The following CDH1 variants were observed in gnomAD, a reference collection of about 807,000 sequenced individuals.
CDH1 encodes the protein cadherin-1.
CDH1 carries 35 observed loss-of-function variants against 84.5 expected under a neutral mutation model. That is an observed-to-expected ratio of 0.41 (90% CI 0.32 to 0.55). CDH1 has a LOEUF of 0.55. Ranked by LOEUF, CDH1 falls within the 20% of genes least tolerant of loss-of-function variation. CDH1 has a pLI of 0.19. For missense variants in CDH1, 994 were observed against 1,126.6 expected (o/e 0.88, Z 1.68); for synonymous variants, 417 against 439.0 (o/e 0.95, Z 0.63).
At chr16:68,784,649 C>G (rs187298278) in intron 2 of CDH1, among the ~76,000 whole-genome samples, 5 of 151,986 alleles carry the variant, frequency 3.3e-5, no homozygotes, top group South Asian at 2.1e-4. Flanking sequence ...TCCCTCACCC[C>G]CTTCCCACCC....
intron 2 of CDH1, among the ~76,000 whole-genome samples, chr16:68,799,327 A>T (rs1960438776): frequency 6.6e-6 from 1 of 152,014 alleles, no homozygotes; most frequent in Non-Finnish European, 1.5e-5. Context: ...CATGGTGGTG[A>T]TTTTTTATTT....
chr16:68,812,947 T>A (rs958452821), intron 8 of CDH1, among the ~76,000 whole-genome samples: 2 of 152,050 alleles, frequency 1.3e-5, no homozygotes, highest in Non-Finnish European at 2.9e-5. Flanking sequence ...ATCTGAGGCA[T>A]GAGAGTTGCT....
At chr16:68,816,768 A>T (rs1567509578) in intron 10 of CDH1, among the ~76,000 whole-genome samples, 1 of 140,394 alleles carries the variant, frequency 7.1e-6, no homozygotes, top group Non-Finnish European at 1.5e-5. Context: ...AAACAAAAAA[A>T]CTCTCATTTT....
intron 2 of CDH1, among the ~76,000 whole-genome samples, chr16:68,796,309 G>A (rs988789040): frequency 6.6e-6 from 1 of 152,200 alleles, no homozygotes; most frequent in African/African-American, 2.4e-5. Context: ...TTACGTCTAA[G>A]ATACTAGGTT....
intron 2 of CDH1, among the ~76,000 whole-genome samples, chr16:68,743,838 A>G (rs1468296133): frequency 2.8e-4 from 42 of 152,166 alleles, no homozygotes; most frequent in Admixed American, 2.7e-3. Context: ...AAGTCACTTT[A>G]CTTCTATGAG....
chr16:68,823,742 AAG>A, intron 13 of CDH1, 116 bp downstream of exon 13: 1 of 710,248 alleles, frequency 1.4e-6, no homozygotes, highest in Non-Finnish European at 2.4e-6. Flanking sequence ...TGATGTGGGA[AAG>A]AGACTCCCAA....
At chr16:68,747,076 C>T (rs561621148) in intron 2 of CDH1, among the ~76,000 whole-genome samples, 2 of 152,266 alleles carry the variant, frequency 1.3e-5, no homozygotes, top group East Asian at 3.9e-4. Flanking sequence ...AGAAAATCTC[C>T]AAGAGAGACC....
chr16:68,830,687 T>C (rs1961461266), intron 15 of CDH1, among the ~76,000 whole-genome samples: 1 of 152,132 alleles, frequency 6.6e-6, no homozygotes, highest in Non-Finnish European at 1.5e-5. Context: ...TGTTGTCTCA[T>C]GATCACAAGA....
At chr16:68,788,519 T>C (rs1486347373) in intron 2 of CDH1, among the ~76,000 whole-genome samples, 1 of 152,218 alleles carries the variant, frequency 6.6e-6, no homozygotes, top group Non-Finnish European at 1.5e-5. Flanking sequence ...CTGTGTACTT[T>C]GGTGAACAGC....
intron 2 of CDH1, among the ~76,000 whole-genome samples, chr16:68,756,382 T>TG (rs1004603339): frequency 9.9e-5 from 15 of 152,072 alleles, no homozygotes; most frequent in African/African-American, 3.4e-4. Context: ...ACAGGTGGGG[T>TG]GGGGCCCTGA....
chr16:68,825,100 C>T (rs1249636286), intron 13 of CDH1, among the ~76,000 whole-genome samples: 1 of 151,132 alleles, frequency 6.6e-6, no homozygotes, highest in African/African-American at 2.4e-5. Flanking sequence ...ATAAAAAATA[C>T]ATTTTTTTAT....
At chr16:68,799,996 C>T (rs1373947528) in intron 2 of CDH1, among the ~76,000 whole-genome samples, 1 of 147,206 alleles carries the variant, frequency 6.8e-6, no homozygotes, top group Non-Finnish European at 1.5e-5. Flanking sequence ...GGCAACAGAG[C>T]GAGACTGTCT....
intron 2 of CDH1, among the ~76,000 whole-genome samples, chr16:68,741,233 C>T (rs973093927): frequency 2.0e-5 from 3 of 152,048 alleles, no homozygotes; most frequent in African/African-American, 7.2e-5. Flanking sequence ...TTTGTTTTGG[C>T]TTTTTTGGAC....
At chr16:68,760,923 C>T (rs1959215088) in intron 2 of CDH1, among the ~76,000 whole-genome samples, 1 of 152,108 alleles carries the variant, frequency 6.6e-6, no homozygotes, top group Admixed American at 6.6e-5. Context: ...GAGGGGGATG[C>T]CCCAAGCCTA....
rs45625236 is a variant in CDH1 at position 68,737,515 on chromosome 16, C to CGCCCCAGCCCCGT, written c.48+62_48+63insCGTGCCCCAGCCC. ...GGACGCATTCGGGCCGCAAGCTCCG[C>CGCCCCAGCCCCGT]GCCCCAGCCCTGCGCCCCTTCCTCT... is the stretch of plus-strand genomic sequence containing the variant. On this transcript the variant is annotated intron_variant, in intron 1 of 15. Coordinates refer to ENST00000261769, the MANE Select transcript of CDH1 (RefSeq NM_004360.5). The CGCCCCAGCCCCGT allele has an allele frequency of 0.85, 1,142,790 of 1,350,920 alleles. 490,647 individuals carry two copies. Among genetic ancestry groups the CGCCCCAGCCCCGT allele is most frequent in the Non-Finnish European group, 0.87 (859,751 of 987,158 alleles). 83.7% of individuals were successfully genotyped at this position (1,350,920 alleles called of 1,614,324 possible). A position where few individuals can be genotyped will look rare whatever the true frequency, so the allele number is the denominator to read the frequency against.
At chr16:68,796,020 G>A (rs757912649) in intron 2 of CDH1, among the ~76,000 whole-genome samples, 4 of 151,776 alleles carry the variant, frequency 2.6e-5, no homozygotes, top group African/African-American at 7.3e-5. Flanking sequence ...AAGATTAGCC[G>A]GGCGTGGTGG....
At chr16:68,818,192 A>G (rs1239251196) in intron 10 of CDH1, among the ~76,000 whole-genome samples, 1 of 149,228 alleles carries the variant, frequency 6.7e-6, no homozygotes, top group Non-Finnish European at 1.5e-5. Flanking sequence ...GTGAGCTGAG[A>G]TCACGCCACT....
chr16:68,829,651 A>C lies in CDH1; in HGVS notation c.2296-3A>C, dbSNP rs113067020. 2 of 1,614,000 alleles carry C rather than the reference A, an allele frequency of 1.2e-6. No individual in the cohort carries two copies. The highest frequency in any genetic ancestry group is 1.7e-6 in the Non-Finnish European group (2 of 1,179,980). On this transcript the variant is annotated splice_region_variant and splice_polypyrimidine_tract_variant and intron_variant, in intron 14 of 15. Transcript: ENST00000261769. ...ATTGTACTTCAACCTTTTTTCTCCA[A>C]AGGACTTTGACTTGAGCCAGCTGCA...
At chr16:68,762,912 C>CAAAAAAAAA (rs55899466) in intron 2 of CDH1, among the ~76,000 whole-genome samples, 1 of 61,464 alleles carries the variant, frequency 1.6e-5, no homozygotes, top group Non-Finnish European at 2.7e-5. Context: ...GATTCCGTCT[C>CAAAAAAAAA]AAAAAAAAAA....
Sources: allele counts gnomAD v4.1 joint callset (sites outside exome capture counted in the v4.1 genomes callset), GRCh38; gene constraint gnomAD v4.1.1; transcripts MANE v1.5; gene names NCBI Gene and HGNC (gene_info 2026-07-23, HGNC 2026-07-21).